Variants in SUGCT observed in about 807,000 individuals in gnomAD.
SUGCT encodes the protein succinyl-CoA:glutarate-CoA transferase, also known as succinyl-CoA:glutarate CoA-transferase.
SUGCT carries 41 observed loss-of-function variants against 55.0 expected under a neutral mutation model. That is an observed-to-expected ratio of 0.74 (90% confidence interval 0.58 to 0.97). SUGCT has a LOEUF of 0.97. Ranked by LOEUF, SUGCT falls within the 50% of genes least tolerant of loss-of-function variation. The pLI is 0.00. For missense variants in SUGCT, 568 were observed against 547.8 expected, an observed-to-expected ratio of 1.04 and a Z score of -0.37; for synonymous variants, 187 against 200.4, an observed-to-expected ratio of 0.93 and a Z score of 0.56.
At position 40,674,675 on chromosome 7, in the gene SUGCT, A is replaced by G. The variant is rs574308591; in HGVS notation, c.1090-74759A>G. ...ATAAATTGGGAAATGTATAAAAATG[A>G]CTCTAGTTCACAAGTAGAAATGAAG... On this transcript the variant is annotated intron_variant, in intron 12 of 13. Transcript: ENST00000335693. Among the ~76,000 whole-genome samples, 29 of 152,116 alleles carry G rather than the reference A, an allele frequency of 1.9e-4. 1 individual carries two copies. Among genetic ancestry groups the G allele is most frequent in the Admixed American group, 1.6e-3 (25 of 15,272 alleles).
In SUGCT at chr7:40,860,654, T is replaced by C; in HGVS notation, c.*175T>C. 2.0e-6 allele frequency: 1 copy of C among 504,372 alleles called. No individual in the cohort carries two copies. The highest frequency in any genetic ancestry group is 3.2e-6 in the Non-Finnish European group (1 of 309,456). The allele number at this position is 504,372 out of a possible 1,614,324, so 31.2% of individuals were successfully genotyped here. On this transcript the variant is annotated 3_prime_UTR_variant, in exon 14 of 14. Coordinates refer to ENST00000335693, the MANE Select transcript of SUGCT (RefSeq NM_001193313.2). ...CTGGTATTAATGAATCTAGTGCCTT[T>C]TAAATGTATCCCACGTTTTGTTCCC...
chr7:40,378,724 T>C (rs538434397), intron 9 of SUGCT, among the ~76,000 whole-genome samples: 144 of 152,286 alleles, frequency 9.5e-4, no homozygotes, highest in African/African-American at 3.3e-3. Context: ...CTGCCTGCCT[T>C]GGCCTCCCAA....
intron 9 of SUGCT, among the ~76,000 whole-genome samples, chr7:40,390,300 G>A (rs559770112): frequency 8.5e-5 from 13 of 152,328 alleles, no homozygotes; most frequent in Non-Finnish European, 1.6e-4. Flanking sequence ...TCAGGCAAGA[G>A]AAAGAAATAA....
intron 12 of SUGCT, among the ~76,000 whole-genome samples, chr7:40,736,345 T>C (rs2128700448): frequency 6.7e-6 from 1 of 148,710 alleles, no homozygotes; most frequent in East Asian, 1.9e-4. Flanking sequence ...TATGTGTATA[T>C]ATAAATGTAT....
chr7:40,168,675 G>T (rs999084954), intron 1 of SUGCT, among the ~76,000 whole-genome samples: 1 of 152,228 alleles, frequency 6.6e-6, no homozygotes, highest in African/African-American at 2.4e-5. Flanking sequence ...TAAGTGAAAG[G>T]TTTGGTGAAG....
chr7:40,145,499 C>T (rs981315063), intron 1 of SUGCT, among the ~76,000 whole-genome samples: 1 of 151,072 alleles, frequency 6.6e-6, no homozygotes. Flanking sequence ...TACATAAATT[C>T]TCCTCCCCAC....
chr7:40,924,374 G>C, the SUGCT span, among the ~76,000 whole-genome samples: 1 of 151,566 alleles, frequency 6.6e-6, no homozygotes, highest in African/African-American at 2.4e-5. Flanking sequence ...CAAATAGCTG[G>C]GACCACAGGC....
the SUGCT span, among the ~76,000 whole-genome samples, chr7:40,982,641 C>A: frequency 6.6e-6 from 1 of 151,930 alleles, no homozygotes; most frequent in Admixed American, 6.6e-5. Flanking sequence ...CTTACTATAG[C>A]AGTATCTCTT....
chr7:40,886,555 G>A, the SUGCT span, among the ~76,000 whole-genome samples: 1 of 152,186 alleles, frequency 6.6e-6, no homozygotes, highest in South Asian at 2.1e-4. Flanking sequence ...AATTGTGTGT[G>A]GATAGCAAGA....
intron 12 of SUGCT, among the ~76,000 whole-genome samples, chr7:40,626,446 G>T (rs568481961): frequency 3.3e-5 from 5 of 151,390 alleles, no homozygotes; most frequent in Non-Finnish European, 5.9e-5. Context: ...GAGAGGTGAG[G>T]TTTCACTGTG....
At chr7:40,693,102 T>G (rs1329805185) in intron 12 of SUGCT, among the ~76,000 whole-genome samples, 1 of 152,200 alleles carries the variant, frequency 6.6e-6, no homozygotes, top group Non-Finnish European at 1.5e-5. Flanking sequence ...ATCTCCGCCC[T>G]AGTAGCCATT....
At chr7:40,737,302 A>G (rs1286074173) in intron 12 of SUGCT, among the ~76,000 whole-genome samples, 1 of 152,250 alleles carries the variant, frequency 6.6e-6, no homozygotes, top group African/African-American at 2.4e-5. Context: ...AAATCAATAT[A>G]AAACAAGAAA....
At chr7:40,519,181 A>G (rs1793400824) in intron 12 of SUGCT, among the ~76,000 whole-genome samples, 1 of 152,116 alleles carries the variant, frequency 6.6e-6, no homozygotes. Flanking sequence ...ATATCTGTTC[A>G]CAAATGCCAT....
In SUGCT at chr7:40,302,706, A is replaced by G. The variant is rs77173579; in HGVS notation, c.721-14054A>G. ...TTAAAAGTTAGACCAGGCCCACTCA[A>G]GATAATCTCTTTTTTGACGAATTCA... On this transcript the variant is annotated intron_variant, in intron 8 of 13. Coordinates refer to ENST00000335693, the MANE Select transcript of SUGCT (RefSeq NM_001193313.2). Among the ~76,000 whole-genome samples the G allele has an allele frequency of 4.5e-3, 684 of 152,276 alleles. 4 individuals are homozygous for G. The highest frequency in any genetic ancestry group is 0.015 in the African/African-American group (632 of 41,552).
chr7:40,516,527 T>A (rs1478233632), intron 12 of SUGCT, among the ~76,000 whole-genome samples: 1 of 152,110 alleles, frequency 6.6e-6, no homozygotes, highest in Admixed American at 6.5e-5. Context: ...GTATAGGGTA[T>A]GAGGTAGGAG....
At chr7:40,917,649 G>A in the SUGCT span, among the ~76,000 whole-genome samples, 1 of 152,104 alleles carries the variant, frequency 6.6e-6, no homozygotes, top group Admixed American at 6.5e-5. Context: ...AAACTTGGTG[G>A]CTTATAAACA....
chr7:40,863,812 T>G (rs1794534795), downstream of SUGCT, among the ~76,000 whole-genome samples: 1 of 152,154 alleles, frequency 6.6e-6, no homozygotes, highest in African/African-American at 2.4e-5. Flanking sequence ...TTATCTTGAT[T>G]ACAGTATGAG....
At chr7:40,742,515 G>C (rs1203311800) in intron 12 of SUGCT, among the ~76,000 whole-genome samples, 1 of 151,914 alleles carries the variant, frequency 6.6e-6, no homozygotes, top group African/African-American at 2.4e-5. Context: ...TAGGCTTCCC[G>C]CTCCTATGAG....
chr7:40,966,677 A>G, the SUGCT span: 1 of 152,248 alleles, frequency 6.6e-6, no homozygotes, highest in East Asian at 1.9e-4. Flanking sequence ...TACTGAAAAG[A>G]TAATATCAAG....
Sources: allele counts gnomAD v4.1 joint callset (sites outside exome capture counted in the v4.1 genomes callset), GRCh38; gene constraint gnomAD v4.1.1; transcripts MANE v1.5; gene names NCBI Gene and HGNC (gene_info 2026-07-23, HGNC 2026-07-21).